Variants in ZNF565 observed in about 807,000 individuals in gnomAD.
ZNF565 encodes the protein zinc finger protein 565.
In ZNF565, 27 loss-of-function variants were observed where a neutral mutation model predicts 39.4. The ratio of observed to expected loss-of-function variants is 0.69; its 90% CI spans 0.51 to 0.95. The LOEUF is 0.95. ZNF565 is among the 40% of genes least tolerant of loss of function. ZNF565 has a pLI of 0.00. For synonymous variants in ZNF565, 185 were observed against 216.6 expected (o/e 0.85, Z 1.28); for missense variants, 524 against 621.1 (o/e 0.84, Z 1.66).
rs2145286443 is a variant in ZNF565 at position 36,182,342 on chromosome 19, G to T, written c.*124C>A. The T allele has an allele frequency of 2.7e-6, 2 of 751,106 alleles. No individual in the cohort carries two copies. Among genetic ancestry groups the T allele is most frequent in the South Asian group, 4.1e-5 (1 of 24,586 alleles). The allele number at this position is 751,106 out of a possible 1,614,324, so 46.5% of individuals were successfully genotyped here. On this transcript the variant is annotated 3_prime_UTR_variant, in exon 5 of 5. Transcript: ENST00000304116. ...TTTCTTTGGGTGTGAGTTTTCTGAT[G>T]TTCTATGATGGAAGTGACAGGTGTT...
downstream of ZNF565, chr19:36,182,262 T>A: frequency 2.3e-6 from 1 of 438,830 alleles, no homozygotes; most frequent in African/African-American, 2.0e-5. Context: ...GCATAGATTA[T>A]CTGATGCTTA....
At chr19:36,192,091 C>T (rs1460854831) in intron 4 of ZNF565, among the ~76,000 whole-genome samples, 7 of 150,614 alleles carry the variant, frequency 4.6e-5, no homozygotes, top group South Asian at 2.1e-4. Context: ...CGGGTTCAAG[C>T]GATTCTCCTG....
intron 1 of ZNF565, among the ~76,000 whole-genome samples, chr19:36,241,802 A>AAAAAT (rs1555744552): frequency 2.2e-5 from 3 of 139,454 alleles, no homozygotes; most frequent in Non-Finnish European, 3.1e-5. Context: ...AAAAAAAAAA[A>AAAAAT]AGCTGGGACA....
intron 4 of ZNF565, among the ~76,000 whole-genome samples, chr19:36,192,987 TTTTG>T (rs74172794): frequency 0.65 from 96,544 of 149,144 alleles, 31,666 homozygotes; most frequent in African/African-American, 0.76. Flanking sequence ...CAGCTAAGTT[TTTTG>T]TTTGTTTGTT....
intron 1 of ZNF565, among the ~76,000 whole-genome samples, chr19:36,232,062 G>A (rs558674690): frequency 2.6e-5 from 4 of 151,986 alleles, no homozygotes; most frequent in Admixed American, 6.6e-5. Flanking sequence ...AACTAGCTGG[G>A]CGTGGTGATG....
intron 1 of ZNF565, among the ~76,000 whole-genome samples, chr19:36,235,112 G>A (rs1301701279): frequency 6.6e-6 from 1 of 151,682 alleles, no homozygotes; most frequent in African/African-American, 2.4e-5. Context: ...AGGAGGCTGA[G>A]GCTAGAGAAT....
rs1485052492 is a variant in ZNF565, at chr19:36,245,302, T to TATG, written c.55+171_55+173dup. 6.6e-6 allele frequency among the ~76,000 whole-genome samples: 1 copy of TATG among 152,164 alleles called. No homozygotes were observed. The highest frequency in any genetic ancestry group is 6.5e-5 in the Admixed American group (1 of 15,290). On this transcript the variant is annotated intron_variant, in intron 1 of 4. Transcript: ENST00000355114. The surrounding 1 kb of genome is among the most constrained non-coding windows in gnomAD (Gnocchi z 4.4). ...CACCAACTCGCGCCTAGAGGGCGTG[T>TATG]ATGACCCCAGCTCAGTTCTAAGCCG...
At chr19:36,225,752 C>CT (rs67760026) in intron 1 of ZNF565, among the ~76,000 whole-genome samples, 2,769 of 66,728 alleles carry the variant, frequency 0.041, 258 homozygotes, top group Non-Finnish European at 0.052. Context: ...CTTTGTGATT[C>CT]TTTTTTTTTT....
At chr19:36,222,738 A>G (rs1421357367) in intron 1 of ZNF565, among the ~76,000 whole-genome samples, 2 of 141,354 alleles carry the variant, frequency 1.4e-5, no homozygotes, top group African/African-American at 5.2e-5. Context: ...GGAGCTGTTT[A>G]TAAATTAGAA....
chr19:36,219,351 G>C (rs1976743851), upstream of ZNF565, among the ~76,000 whole-genome samples: 1 of 152,006 alleles, frequency 6.6e-6, no homozygotes, highest in African/African-American at 2.4e-5. Context: ...TTTTTGTAGA[G>C]ATGGAGTCTT....
intron 4 of ZNF565, 80 bp downstream of exon 4, chr19:36,194,153 A>T (rs376256100): frequency 8.4e-7 from 1 of 1,197,250 alleles, no homozygotes. Flanking sequence ...CTTTGAGGGA[A>T]CTTCCCACAG....
chr19:36,195,050 A>C lies in ZNF565; in HGVS notation c.116T>G (p.Phe39Cys). The C allele has an allele frequency of 6.2e-7, 1 of 1,614,032 alleles. No homozygotes were observed. The highest frequency in any genetic ancestry group is 8.5e-7 in the Non-Finnish European group (1 of 1,180,010). Residue 39 changes from phenylalanine to cysteine, a missense_variant, in exon 3 of 5, where the codon TTT (phenylalanine) becomes TGT (cysteine). Phe to Cys is a radical substitution (Grantham distance 205). Transcript: ENST00000304116. ...DLYREVTLENFGHLASLGLSI... is the reference protein window; with the variant it reads ...DLYREVTLENCGHLASLGLSI... ...CTTACCTAGTGAGGCCAAGTGACCA[A>C]AGTTCTCCAGAGTCACCTCCCTGTA...
intron 2 of ZNF565, among the ~76,000 whole-genome samples, chr19:36,195,384 C>T (rs370515500): frequency 6.6e-6 from 1 of 151,920 alleles, no homozygotes; most frequent in Non-Finnish European, 1.5e-5. Flanking sequence ...CATCATAATA[C>T]TTCACCCACA....
rs565655884 is a variant in ZNF565, at chr19:36,198,112, AGAAT to A, written c.10-2960_10-2957del. On this transcript the variant is annotated intron_variant, in intron 2 of 4. Coordinates refer to ENST00000304116, the MANE Select transcript of ZNF565 (RefSeq NM_152477.5). Reference sequence around the variant, plus strand: ...TGCACCACTGCCGGCATGGGCAACAAGAATGAAATTCCGTTTAAAAAAAAAAAAG... The same window carrying A: ...TGCACCACTGCCGGCATGGGCAACAAGAAATTCCGTTTAAAAAAAAAAAAG... Among the ~76,000 whole-genome samples the A allele has an allele frequency of 1.2e-3, 183 of 152,152 alleles. 1 individual carries two copies. Among genetic ancestry groups the A allele is most frequent in the African/African-American group, 4.3e-3 (177 of 41,546 alleles).
chr19:36,194,408 C>T (rs2287897), intron 3 of ZNF565, 80 bp from the exon 4 acceptor site: 684,502 of 1,138,150 alleles, frequency 0.6, 207,018 homozygotes, highest in Admixed American at 0.67. Flanking sequence ...ATGGAAAAGA[C>T]GCAATTACAA....
chr19:36,210,870 C>A (rs1263362858), intron 1 of ZNF565, among the ~76,000 whole-genome samples: 1 of 151,906 alleles, frequency 6.6e-6, no homozygotes, highest in Non-Finnish European at 1.5e-5. Context: ...AGGGAAAGTA[C>A]CACATCAACG....
rs767787488 is a variant in ZNF565 at position 36,237,531 on chromosome 19, GAT to G, written c.55+7943_55+7944del. ...GTCCAACAGAGAAACCTGCAGCAGA[GAT>G]AATGGTGAAAGTTTAGGCACATTTT... On this transcript the variant is annotated intron_variant, in intron 1 of 4. Coordinates refer to the ZNF565 transcript ENST00000355114. 6 of 455,448 alleles carry G rather than the reference GAT, an allele frequency of 1.3e-5. No homozygotes were observed. In the South Asian group the frequency reaches 3.9e-4, roughly 29 times the overall value. 28.2% of individuals were successfully genotyped at this position (455,448 alleles called of 1,614,324 possible). A position where few individuals can be genotyped will look rare whatever the true frequency, so the allele number is the denominator to read the frequency against.
At chr19:36,232,686 A>G (rs1339613738) in intron 1 of ZNF565, among the ~76,000 whole-genome samples, 5 of 147,410 alleles carry the variant, frequency 3.4e-5, no homozygotes, top group Admixed American at 2.1e-4. Context: ...TGGGCTCACT[A>G]CAACCTCCAC....
upstream of ZNF565, among the ~76,000 whole-genome samples, chr19:36,216,109 G>C (rs756230071): frequency 2.6e-5 from 4 of 152,148 alleles, no homozygotes; most frequent in Non-Finnish European, 4.4e-5. Flanking sequence ...TGGGTACCAA[G>C]TTAATATCTA....
Sources: gnomAD v4.1 joint callset for allele counts (sites outside exome capture counted in the v4.1 genomes callset) on GRCh38, gnomAD v4.1.1 for gene constraint, Gnocchi (gnomAD v3.1) non-coding constraint, MANE v1.5 for transcripts, NCBI Gene and HGNC (gene_info 2026-07-23, HGNC 2026-07-21) for gene names.